The following HSD17B11 variants were observed in gnomAD, a reference collection of about 807,000 sequenced individuals.
HSD17B11 encodes estradiol 17-beta-dehydrogenase 11.
A neutral mutation model predicts 27.8 loss-of-function variants in HSD17B11; 22 were observed. The ratio of observed to expected loss-of-function variants is 0.79; its 90% CI spans 0.56 to 1.13. HSD17B11 has a LOEUF of 1.13. HSD17B11 is among the 50% of genes most tolerant of loss of function. HSD17B11 has a pLI of 0.00. For synonymous variants in HSD17B11, 117 were observed against 132.8 expected, an observed-to-expected ratio of 0.88 and a Z score of 0.82; for missense variants, 314 against 351.1, an observed-to-expected ratio of 0.89 and a Z score of 0.84.
intron 2 of HSD17B11, among the ~76,000 whole-genome samples, chr4:87,377,336 G>C (rs1735848853): frequency 6.6e-6 from 1 of 151,936 alleles, no homozygotes; most frequent in Admixed American, 6.6e-5. Context: ...TGTAATCCCA[G>C]CTGCTCAGGA....
intron 3 of HSD17B11, among the ~76,000 whole-genome samples, chr4:87,373,903 G>A (rs1226891300): frequency 2.6e-5 from 4 of 152,114 alleles, no homozygotes; most frequent in Non-Finnish European, 4.4e-5. Flanking sequence ...TGGCTATTTG[G>A]GCAATATTTG....
At chr4:87,371,869 G>A (rs1415675574) in intron 4 of HSD17B11, among the ~76,000 whole-genome samples, 1 of 152,146 alleles carries the variant, frequency 6.6e-6, no homozygotes, top group Non-Finnish European at 1.5e-5. Flanking sequence ...GCTCTGTCAC[G>A]AAGCTGGAAG....
intron 2 of HSD17B11, among the ~76,000 whole-genome samples, chr4:87,376,437 G>A (rs1268298887): frequency 4.7e-5 from 7 of 150,302 alleles, no homozygotes; most frequent in African/African-American, 1.2e-4. Context: ...CCCAGGAGGC[G>A]GAGGTTGCAG....
Position 87,391,076 on chromosome 4 carries a change from T to C in HSD17B11, c.-6A>G. The C allele has an allele frequency of 6.2e-7, 1 of 1,603,898 alleles. No homozygotes were observed. The highest frequency in any genetic ancestry group is 8.5e-7 in the Non-Finnish European group (1 of 1,176,562). On this transcript the variant is annotated 5_prime_UTR_variant, in exon 1 of 7. Coordinates refer to ENST00000358290, the MANE Select transcript of HSD17B11 (RefSeq NM_016245.5). ...ATGTCCAGAAGAAATTTCATCCCTTTTGTGGCTGCGAGCGTTTGGTGTGTT... is the reference window on the plus strand; with the variant it reads ...ATGTCCAGAAGAAATTTCATCCCTTCTGTGGCTGCGAGCGTTTGGTGTGTT...
rs755693303 is a variant in HSD17B11 at position 87,340,517 on chromosome 4, G to A, written c.785C>T (p.Ser262Phe). Reference protein sequence around the residue: ...TEQKMIFIPSSIAFLTTLERI... With the variant: ...TEQKMIFIPSFIAFLTTLERI... ...TTCCAATGTTGTTAAAAAAGCTATAGAAGATGGAATAAAAATCATCTTCTG... is the reference window on the plus strand; with the variant it reads ...TTCCAATGTTGTTAAAAAAGCTATAAAAGATGGAATAAAAATCATCTTCTG... The change falls in exon 6 of 7, where the codon TCT (serine) becomes TTT (phenylalanine). Residue 262 changes from serine to phenylalanine, a missense_variant. Physicochemically the swap from Ser to Phe is radical, Grantham distance 155. Coordinates refer to ENST00000358290, the MANE Select transcript of HSD17B11 (RefSeq NM_016245.5). 6 of 1,607,496 alleles carry A rather than the reference G, an allele frequency of 3.7e-6. No homozygotes were observed. The East Asian group carries it at 1.1e-4, about 30-fold the overall frequency.
chr4:87,340,329 CT>C, intron 6 of HSD17B11, 160 bp downstream of exon 6: 1 of 437,434 alleles, frequency 2.3e-6, no homozygotes, highest in Non-Finnish European at 4.1e-6. Flanking sequence ...TACCCAAGAG[CT>C]GTATCAATCT....
At chr4:87,347,136 T>C (rs1445886915) in intron 5 of HSD17B11, among the ~76,000 whole-genome samples, 3 of 84,894 alleles carry the variant, frequency 3.5e-5, no homozygotes, top group Admixed American at 2.2e-4. Flanking sequence ...TTTTTTTTTT[T>C]ATTATACTCT....
chr4:87,361,860 C>T (rs534895915), intron 4 of HSD17B11, among the ~76,000 whole-genome samples: 3 of 152,282 alleles, frequency 2.0e-5, no homozygotes, highest in Non-Finnish European at 2.9e-5. Flanking sequence ...GGGTCTGGAT[C>T]GGGACCCCTT....
At chr4:87,362,459 G>A (rs911524742) in intron 4 of HSD17B11, among the ~76,000 whole-genome samples, 4 of 152,230 alleles carry the variant, frequency 2.6e-5, no homozygotes, top group Admixed American at 6.5e-5. Flanking sequence ...CCGGGAGGCC[G>A]AGGTTGCAGT....
intron 4 of HSD17B11, among the ~76,000 whole-genome samples, chr4:87,364,285 A>C (rs1182718465): frequency 1.4e-5 from 2 of 144,468 alleles, no homozygotes; most frequent in East Asian, 3.9e-4. Flanking sequence ...AAAAAAAAAA[A>C]AGAAAAAAAA....
At position 87,391,054 on chromosome 4, in the gene HSD17B11, T is replaced by C; in HGVS notation, c.17A>G (p.Asp6Gly). Reference protein sequence around the residue: MKFLLDILLLLPLLIV... With the variant: MKFLLGILLLLPLLIV... ...CAGTAACGGGAGAAGCAGGAGGATG[T>C]CCAGAAGAAATTTCATCCCTTTTGT... The change falls in exon 1 of 7, where the codon GAC becomes GGC. Residue 6 changes from aspartate to glycine, a missense_variant. Coordinates refer to ENST00000358290, the MANE Select transcript of HSD17B11 (RefSeq NM_016245.5). 1 of 1,613,052 alleles carries C rather than the reference T, an allele frequency of 6.2e-7. No homozygotes were observed. The highest frequency in any genetic ancestry group is 8.5e-7 in the Non-Finnish European group (1 of 1,179,704).
chr4:87,362,878 C>T (rs1735542649), intron 4 of HSD17B11, among the ~76,000 whole-genome samples: 1 of 152,138 alleles, frequency 6.6e-6, no homozygotes, highest in Non-Finnish European at 1.5e-5. Flanking sequence ...ATTTTGCCTT[C>T]CCCACCCTGC....
In HSD17B11 at chr4:87,370,748, TATTATTA is replaced by T. The variant is rs1391971269; in HGVS notation, c.557+1954_557+1960del. On this transcript the variant is annotated intron_variant, in intron 4 of 6. Coordinates refer to ENST00000358290, the MANE Select transcript of HSD17B11 (RefSeq NM_016245.5). ...TTATTATTATTATTATTATTATTAT[TATTATTA>T]TTTTTTTTTTTTTTTGAGACGGAGT... 4.8e-3 allele frequency among the ~76,000 whole-genome samples: 228 copies of T among 47,996 alleles called. 9 individuals are homozygous for T. The highest frequency in any genetic ancestry group is 6.0e-3 in the South Asian group (11 of 1,848). 31.5% of individuals were successfully genotyped at this position (47,996 alleles called of 152,430 possible).
chr4:87,343,916 G>A (rs1030459123), intron 5 of HSD17B11, among the ~76,000 whole-genome samples: 5 of 152,098 alleles, frequency 3.3e-5, no homozygotes, highest in Admixed American at 6.6e-5. Context: ...TAGTGCAGTG[G>A]TGCAGTGGCA....
At chr4:87,360,870 G>A (rs1167559801) in intron 4 of HSD17B11, among the ~76,000 whole-genome samples, 2 of 152,124 alleles carry the variant, frequency 1.3e-5, no homozygotes, top group Non-Finnish European at 2.9e-5. Flanking sequence ...ATCCCACGCA[G>A]AAATAGAAAA....
At chr4:87,357,949 ATTTTTTTTTTTTTTTTT>A (rs57139706) in intron 4 of HSD17B11, among the ~76,000 whole-genome samples, 49 of 80,174 alleles carry the variant, frequency 6.1e-4, no homozygotes, top group African/African-American at 1.6e-3. Flanking sequence ...CATTAGAGAA[ATTTTTTTTTTTTTTTTT>A]TTTTTTTTTT....
chr4:87,374,351 C>T, intron 3 of HSD17B11: 1 of 170,616 alleles, frequency 5.9e-6, no homozygotes, highest in South Asian at 1.4e-4. Context: ...TGAAAGCAAA[C>T]TGGATTCACC....
At chr4:87,365,061 C>T (rs756452970) in intron 4 of HSD17B11, among the ~76,000 whole-genome samples, 13 of 152,084 alleles carry the variant, frequency 8.5e-5, no homozygotes, top group South Asian at 2.1e-4. Flanking sequence ...CCCAGCTACG[C>T]GGGAGGCTGA....
At position 87,340,635 on chromosome 4, in the gene HSD17B11, A is replaced by G. The variant is rs914304501; in HGVS notation, c.696-29T>C. 3.5e-6 allele frequency: 5 copies of G among 1,447,626 alleles called. No individual in the cohort carries two copies. In the African/African-American group the frequency reaches 7.0e-5, roughly 20 times the overall value. 89.7% of individuals were successfully genotyped at this position (1,447,626 alleles called of 1,614,324 possible). On this transcript the variant is annotated intron_variant, in intron 5 of 6. Coordinates refer to ENST00000358290, the MANE Select transcript of HSD17B11 (RefSeq NM_016245.5). ...AAATCAGAGTCAGTCTTCAGAAACAAAATACTTCACCGAGGCTTCAGCTTT... is the reference window on the plus strand; with the variant it reads ...AAATCAGAGTCAGTCTTCAGAAACAGAATACTTCACCGAGGCTTCAGCTTT...
Sources: gnomAD v4.1 joint callset for allele counts (sites outside exome capture counted in the v4.1 genomes callset) on GRCh38, gnomAD v4.1.1 for gene constraint, MANE v1.5 for transcripts, NCBI Gene and HGNC (gene_info 2026-07-23, HGNC 2026-07-21) for gene names.